SSBP2: variants seen among roughly 807,000 people sequenced by gnomAD.
SSBP2 encodes the protein single-stranded DNA-binding protein 2.
A neutral mutation model predicts 61.8 loss-of-function variants in SSBP2; 17 were observed. That is an observed-to-expected ratio of 0.28 (90% CI 0.19 to 0.41). The LOEUF is 0.41. SSBP2 is among the 10% of genes least tolerant of loss of function. SSBP2 has a pLI of 1.00. For missense variants in SSBP2, 310 were observed against 458.7 expected (o/e 0.68, Z 2.96); for synonymous variants, 139 against 141.3 (o/e 0.98, Z 0.12).
intron 1 of SSBP2, among the ~76,000 whole-genome samples, chr5:81,652,045 A>G (rs552859969): frequency 5.3e-5 from 8 of 152,184 alleles, no homozygotes; most frequent in Non-Finnish European, 1.2e-4. Context: ...AGTGGTTAGC[A>G]TAGGAAAGAA....
intron 1 of SSBP2, among the ~76,000 whole-genome samples, chr5:81,726,425 T>C (rs1396636593): frequency 6.6e-6 from 1 of 152,128 alleles, no homozygotes; most frequent in Non-Finnish European, 1.5e-5. Context: ...AGTGAAATAA[T>C]ATTCCAAGCT....
At chr5:81,698,511 T>C (rs1302759541) in intron 1 of SSBP2, among the ~76,000 whole-genome samples, 3 of 152,156 alleles carry the variant, frequency 2.0e-5, no homozygotes, top group African/African-American at 7.2e-5. Flanking sequence ...AAAGCAGCAT[T>C]GATTTTAAAC....
At chr5:81,697,889 G>A (rs1456338722) in intron 1 of SSBP2, among the ~76,000 whole-genome samples, 2 of 152,152 alleles carry the variant, frequency 1.3e-5, no homozygotes, top group East Asian at 3.9e-4. Context: ...AATAAATATT[G>A]ACATTATGAA....
intron 4 of SSBP2, among the ~76,000 whole-genome samples, chr5:81,562,944 A>T (rs573782134): frequency 1.3e-5 from 2 of 152,192 alleles, no homozygotes; most frequent in South Asian, 4.2e-4. Context: ...GAAGGGGAAG[A>T]CTCCGTATTA....
In SSBP2 at chr5:81,546,770, G is replaced by C. The variant is rs577584637; in HGVS notation, c.283-33053C>G. On this transcript the variant is annotated intron_variant, in intron 4 of 16. Coordinates refer to ENST00000320672, the MANE Select transcript of SSBP2 (RefSeq NM_012446.5). Reference sequence around the variant, plus strand: ...AGGCTACTGGAGAACAGAAAAGTCAGTGAATTTATTGATCAATGATTTCTA... The same window carrying C: ...AGGCTACTGGAGAACAGAAAAGTCACTGAATTTATTGATCAATGATTTCTA... Among the ~76,000 whole-genome samples the C allele has an allele frequency of 2.0e-5, 3 of 152,012 alleles. No individual in the cohort carries two copies. In the South Asian group the frequency reaches 6.2e-4, roughly 32 times the overall value.
rs144528886 is a variant in SSBP2, at chr5:81,475,571, T to C, written c.433-1009A>G. 1.1e-4 allele frequency among the ~76,000 whole-genome samples: 16 copies of C among 152,294 alleles called. No homozygotes were observed. In the East Asian group the frequency reaches 3.1e-3, roughly 29 times the overall value. ...CCAGCCTAATTTCTTGCCACTTTCA[T>C]GCTCATGTTCTAACTTCCAGCCATA... On this transcript the variant is annotated intron_variant, in intron 6 of 16. Transcript: ENST00000320672.
intron 1 of SSBP2, among the ~76,000 whole-genome samples, chr5:81,663,228 T>C (rs1308631170): frequency 6.6e-6 from 1 of 152,174 alleles, no homozygotes; most frequent in African/African-American, 2.4e-5. Flanking sequence ...AAAAGGTAAA[T>C]ACTGCCTTTT....
intron 1 of SSBP2, among the ~76,000 whole-genome samples, chr5:81,663,306 A>C (rs1354030864): frequency 2.0e-5 from 3 of 152,196 alleles, no homozygotes; most frequent in Non-Finnish European, 4.4e-5. Context: ...GTATGTATGT[A>C]TGTATATAAT....
At chr5:81,524,759 G>GT (rs1317801324) in intron 4 of SSBP2, among the ~76,000 whole-genome samples, 3 of 152,004 alleles carry the variant, frequency 2.0e-5, no homozygotes, top group African/African-American at 7.2e-5. Context: ...TGTGTGAATA[G>GT]TTTTTTCCCT....
chr5:81,461,379 G>T (rs1456157987), intron 9 of SSBP2, among the ~76,000 whole-genome samples: 1 of 151,834 alleles, frequency 6.6e-6, no homozygotes, highest in Non-Finnish European at 1.5e-5. Context: ...CTGCTCATAG[G>T]AGTAAATATA....
chr5:81,574,674 C>A (rs990037154), intron 4 of SSBP2, among the ~76,000 whole-genome samples: 7 of 151,934 alleles, frequency 4.6e-5, no homozygotes, highest in Non-Finnish European at 8.8e-5. Flanking sequence ...GGGAAAAAAA[C>A]CCCACAATCT....
At chr5:81,437,652 G>C in intron 14 of SSBP2, 194 bp from the exon 15 acceptor site, 1 of 405,276 alleles carries the variant, frequency 2.5e-6, no homozygotes. Context: ...AAAATGCAAG[G>C]AGTTCTATCC....
chr5:81,693,976 C>G (rs1263987308), intron 1 of SSBP2, among the ~76,000 whole-genome samples: 2 of 151,948 alleles, frequency 1.3e-5, no homozygotes, highest in Non-Finnish European at 2.9e-5. Context: ...GGTGCATATA[C>G]AGAATGAAGT....
intron 10 of SSBP2, among the ~76,000 whole-genome samples, chr5:81,459,055 A>G (rs936081907): frequency 1.3e-5 from 2 of 152,172 alleles, no homozygotes; most frequent in Non-Finnish European, 2.9e-5. Flanking sequence ...TTACTTGCCT[A>G]CATGTGTGCT....
At chr5:81,460,305 G>T (rs145188356) in intron 10 of SSBP2, among the ~76,000 whole-genome samples, 54 of 152,272 alleles carry the variant, frequency 3.5e-4, no homozygotes, top group African/African-American at 1.2e-3. Flanking sequence ...GGGAACCTTT[G>T]TGCAGTGCAC....
chr5:81,441,486 A>G (rs1763032812), intron 13 of SSBP2, among the ~76,000 whole-genome samples: 2 of 152,308 alleles, frequency 1.3e-5, no homozygotes, highest in South Asian at 4.1e-4. Context: ...CAAATTTCCC[A>G]TGCCAAAAGC....
At chr5:81,712,730 T>G (rs1452114566) in intron 1 of SSBP2, among the ~76,000 whole-genome samples, 2 of 148,578 alleles carry the variant, frequency 1.3e-5, no homozygotes, top group African/African-American at 2.5e-5. Context: ...GTTTCTTTGT[T>G]TTTTTTTTTT....
intron 5 of SSBP2, among the ~76,000 whole-genome samples, chr5:81,504,075 A>C (rs1767997002): frequency 6.6e-6 from 1 of 151,938 alleles, no homozygotes; most frequent in African/African-American, 2.4e-5. Flanking sequence ...TGTACAACAA[A>C]CCCCCGTGAC....
chr5:81,694,165 T>G (rs1310549878), intron 1 of SSBP2, among the ~76,000 whole-genome samples: 1 of 152,132 alleles, frequency 6.6e-6, no homozygotes, highest in Non-Finnish European at 1.5e-5. Context: ...AGAATGACAG[T>G]TATTAGAGTC....
Sources: gnomAD v4.1 joint callset for allele counts (sites outside exome capture counted in the v4.1 genomes callset) on GRCh38, gnomAD v4.1.1 for gene constraint, MANE v1.5 for transcripts, NCBI Gene and HGNC (gene_info 2026-07-23, HGNC 2026-07-21) for gene names.